KCNIP4: variants seen among roughly 807,000 people sequenced by gnomAD.
KCNIP4 encodes Kv channel-interacting protein 4.
In KCNIP4, 12 loss-of-function variants were observed where a neutral mutation model predicts 34.0. That is an observed-to-expected ratio of 0.35 (90% confidence interval 0.23 to 0.57). The LOEUF is 0.57. KCNIP4 is among the 20% of genes least tolerant of loss of function. The pLI, the probability that KCNIP4 is intolerant of heterozygous loss-of-function variation, is 0.83. For missense variants in KCNIP4, 238 were observed against 311.7 expected, an observed-to-expected ratio of 0.76 and a Z score of 1.78; for synonymous variants, 124 against 102.2, an observed-to-expected ratio of 1.21 and a Z score of -1.29.
At chr4:21,760,495 A>AATTATGGG (rs1717975717) in intron 1 of KCNIP4, among the ~76,000 whole-genome samples, 1 of 152,132 alleles carries the variant, frequency 6.6e-6, no homozygotes, top group Non-Finnish European at 1.5e-5. Flanking sequence ...AAAACAGGCA[A>AATTATGGG]ATTATGGGTT....
rs16870452 is a variant in KCNIP4 at position 21,145,905 on chromosome 4, A to G, written c.62-263196T>C. On this transcript the variant is annotated intron_variant, in intron 1 of 8. Transcript: ENST00000382152. ...GACAATAGATAAACATCAGGTCTAC[A>G]CTGCAAATTTGCCTGCATATTAATT... 6.8e-3 allele frequency among the ~76,000 whole-genome samples: 1,033 copies of G among 152,316 alleles called. 9 individuals carry two copies. The highest frequency in any genetic ancestry group is 0.022 in the African/African-American group (934 of 41,568).
rs181713113 is a variant in KCNIP4, at chr4:21,682,340, C to T, written c.61+266231G>A. On this transcript the variant is annotated intron_variant, in intron 1 of 8. Transcript: ENST00000382152. ...ACCTCCAACACTGGGGATTGTAACTCGACATAAGATTTGGGCAGGGACACA... is the reference window on the plus strand; with the variant it reads ...ACCTCCAACACTGGGGATTGTAACTTGACATAAGATTTGGGCAGGGACACA... 1.2e-4 allele frequency among the ~76,000 whole-genome samples: 18 copies of T among 152,192 alleles called. 1 individual carries two copies. The East Asian group carries it at 2.5e-3, about 21-fold the overall frequency.
intron 1 of KCNIP4, among the ~76,000 whole-genome samples, chr4:21,837,542 AAAAAAG>A (rs1723419459): frequency 6.7e-6 from 1 of 149,698 alleles, no homozygotes; most frequent in African/African-American, 2.4e-5. Context: ...CAAAAAAAAA[AAAAAAG>A]AAAAAGAAAA....
At chr4:20,913,409 T>C (rs577386400) in intron 1 of KCNIP4, among the ~76,000 whole-genome samples, 141 of 152,276 alleles carry the variant, frequency 9.3e-4, no homozygotes, top group African/African-American at 3.4e-3. Flanking sequence ...TAACTGCTAA[T>C]GGGAATGGGG....
chr4:21,428,522 T>C (rs1054196764), intron 1 of KCNIP4, among the ~76,000 whole-genome samples: 5 of 152,176 alleles, frequency 3.3e-5, no homozygotes, highest in African/African-American at 9.7e-5. Context: ...ACAGCTGACA[T>C]GAGGGATGAT....
intron 1 of KCNIP4, among the ~76,000 whole-genome samples, chr4:20,889,119 A>G (rs1725633622): frequency 6.6e-6 from 1 of 152,026 alleles, no homozygotes; most frequent in Non-Finnish European, 1.5e-5. Context: ...CATTTTAGAG[A>G]TATCTGGGTT....
chr4:21,420,671 C>T (rs1168930542), intron 1 of KCNIP4, among the ~76,000 whole-genome samples: 1 of 152,172 alleles, frequency 6.6e-6, no homozygotes, highest in Non-Finnish European at 1.5e-5. Context: ...AATTTTAAGA[C>T]CTTACCTTCT....
chr4:21,197,273 TAGGAGTGG>T (rs1446553252), intron 1 of KCNIP4, among the ~76,000 whole-genome samples: 2 of 152,210 alleles, frequency 1.3e-5, no homozygotes, highest in African/African-American at 4.8e-5. Flanking sequence ...GGTATATAAC[TAGGAGTGG>T]AATTGCTAGC....
intron 1 of KCNIP4, among the ~76,000 whole-genome samples, chr4:21,202,801 C>A (rs1361923253): frequency 1.3e-5 from 2 of 152,146 alleles, no homozygotes; most frequent in Non-Finnish European, 2.9e-5. Context: ...GGGTAGGTAT[C>A]CTGCTGGCTG....
chr4:21,344,576 C>T (rs1199816973), intron 1 of KCNIP4, among the ~76,000 whole-genome samples: 1 of 152,064 alleles, frequency 6.6e-6, no homozygotes, highest in Admixed American at 6.6e-5. Flanking sequence ...TCTGCTAATT[C>T]TGAGACAGAT....
At chr4:21,266,421 A>C (rs940955927) in intron 1 of KCNIP4, among the ~76,000 whole-genome samples, 2 of 152,216 alleles carry the variant, frequency 1.3e-5, no homozygotes, top group African/African-American at 4.8e-5. Context: ...ACATGAAAAT[A>C]CATTGAGGAC....
chr4:20,946,779 A>T (rs555267262), intron 1 of KCNIP4, among the ~76,000 whole-genome samples: 1 of 152,304 alleles, frequency 6.6e-6, no homozygotes, highest in South Asian at 2.1e-4. Flanking sequence ...TTAGTACAGG[A>T]TACCTATTCC....
chr4:21,100,994 G>T (rs897066846), intron 1 of KCNIP4, among the ~76,000 whole-genome samples: 25 of 152,064 alleles, frequency 1.6e-4, no homozygotes, highest in African/African-American at 6.0e-4. Flanking sequence ...TATTGAGGGG[G>T]TACAAGATTT....
chr4:21,392,136 G>A (rs546318801), intron 1 of KCNIP4, among the ~76,000 whole-genome samples: 34 of 152,298 alleles, frequency 2.2e-4, no homozygotes, highest in African/African-American at 7.7e-4. Flanking sequence ...ATAAATGGAA[G>A]GGAACTCTGG....
intron 1 of KCNIP4, among the ~76,000 whole-genome samples, chr4:21,567,741 A>C (rs1264857608): frequency 2.0e-5 from 3 of 152,168 alleles, no homozygotes; most frequent in Admixed American, 2.0e-4. Context: ...CAAATAGTCT[A>C]ATATAAACTG....
At chr4:21,167,188 A>G (rs963124549) in intron 1 of KCNIP4, among the ~76,000 whole-genome samples, 3 of 152,048 alleles carry the variant, frequency 2.0e-5, no homozygotes, top group African/African-American at 7.2e-5. Flanking sequence ...AAACAGACCC[A>G]TGTTTTCCTG....
intron 1 of KCNIP4, among the ~76,000 whole-genome samples, chr4:21,804,795 C>T (rs1034750935): frequency 9.9e-5 from 15 of 152,180 alleles, no homozygotes; most frequent in African/African-American, 3.6e-4. Flanking sequence ...TCCACACAGG[C>T]ACTTACATTC....
intron 1 of KCNIP4, among the ~76,000 whole-genome samples, chr4:21,696,552 G>C (rs1712337997): frequency 6.6e-6 from 1 of 152,082 alleles, no homozygotes; most frequent in South Asian, 2.1e-4. Flanking sequence ...TTGTCTCTCA[G>C]AAGTTTGATG....
intron 1 of KCNIP4, among the ~76,000 whole-genome samples, chr4:21,073,745 T>C (rs552656038): frequency 1.2e-3 from 183 of 152,272 alleles, no homozygotes; most frequent in Non-Finnish European, 1.8e-3. Flanking sequence ...CCAGTTTTTG[T>C]CCATTCAGTA....
Sources: allele counts gnomAD v4.1 joint callset (sites outside exome capture counted in the v4.1 genomes callset), GRCh38; gene constraint gnomAD v4.1.1; transcripts MANE v1.5; gene names NCBI Gene and HGNC (gene_info 2026-07-23, HGNC 2026-07-21).